ZNF723: variants seen among roughly 807,000 people sequenced by gnomAD.
ZNF723 encodes the protein zinc finger protein 723.
ZNF723 carries 5 observed loss-of-function variants against 9.4 expected under a neutral mutation model. That is an observed-to-expected ratio of 0.53 (90% confidence interval 0.28 to 1.12). The LOEUF (loss-of-function observed/expected upper bound fraction) is 1.12. Among genes scored for constraint, ZNF723 ranks in the 50% most tolerant of loss-of-function variants. ZNF723 has a pLI of 0.10. For synonymous variants in ZNF723, 158 were observed against 168.8 expected (o/e 0.94, Z 0.49); for missense variants, 450 against 501.5 (o/e 0.90, Z 0.98).
At chr19:22,837,471 G>T (rs1967181295) in intron 1 of ZNF723, among the ~76,000 whole-genome samples, 1 of 152,020 alleles carries the variant, frequency 6.6e-6, no homozygotes, top group Admixed American at 6.6e-5. Flanking sequence ...TGGTGTTGAA[G>T]AATTGTTTGG....
chr19:22,842,110 T>G (rs1039807214), intron 1 of ZNF723, among the ~76,000 whole-genome samples: 4 of 152,178 alleles, frequency 2.6e-5, no homozygotes, highest in Admixed American at 2.6e-4. Flanking sequence ...GTTCAAGCGA[T>G]TCTCCTGCCT....
chr19:22,828,312 G>T (rs1234102947), upstream of ZNF723, among the ~76,000 whole-genome samples: 8 of 152,086 alleles, frequency 5.3e-5, no homozygotes, highest in Non-Finnish European at 1.2e-4. Flanking sequence ...CTAGAGTTTT[G>T]GTCACACTCT....
the ZNF723 span, among the ~76,000 whole-genome samples, chr19:22,822,678 T>C: frequency 2.0e-5 from 3 of 151,198 alleles, no homozygotes; most frequent in East Asian, 1.9e-4. Context: ...CTGGCTAACA[T>C]GGTGAAACGC....
At chr19:22,844,857 C>T (rs1182554879) in intron 1 of ZNF723, among the ~76,000 whole-genome samples, 1 of 152,194 alleles carries the variant, frequency 6.6e-6, no homozygotes. Context: ...CGTGGTGGCT[C>T]ATGCCTGTAA....
intron 1 of ZNF723, among the ~76,000 whole-genome samples, chr19:22,835,082 T>TTTTTTTTTG (rs398034284): frequency 7.2e-6 from 1 of 138,562 alleles, no homozygotes; most frequent in Admixed American, 7.4e-5. Flanking sequence ...TTTTTTTTTT[T>TTTTTTTTTG]GAGATGGAGT....
At chr19:22,839,963 T>C (rs1387752250) in intron 1 of ZNF723, among the ~76,000 whole-genome samples, 1 of 151,816 alleles carries the variant, frequency 6.6e-6, no homozygotes, top group Non-Finnish European at 1.5e-5. Flanking sequence ...TTTAATAAGG[T>C]TGTTTGTTTT....
chr19:22,826,874 G>A, the ZNF723 span, among the ~76,000 whole-genome samples: 2 of 152,248 alleles, frequency 1.3e-5, no homozygotes, highest in Non-Finnish European at 2.9e-5. Flanking sequence ...GGTAAAAGAT[G>A]AAGGGCTAAT....
At chr19:22,849,018 G>C (rs1967354936) in intron 2 of ZNF723, among the ~76,000 whole-genome samples, 180 bp from the exon 3 acceptor site, 1 of 152,130 alleles carries the variant, frequency 6.6e-6, no homozygotes, top group African/African-American at 2.4e-5. Flanking sequence ...GCCTCCCAAA[G>C]TGCTGGGATT....
intron 3 of ZNF723, among the ~76,000 whole-genome samples, chr19:22,854,218 CTTCT>C (rs998391219): frequency 1.3e-5 from 2 of 151,926 alleles, no homozygotes; most frequent in Non-Finnish European, 2.9e-5. Flanking sequence ...TGTTAATTTC[CTTCT>C]TTGTCTCCAT....
At chr19:22,832,269 G>A, upstream of ZNF723, 1 of 1,136,320 alleles carries the variant, frequency 8.8e-7, no homozygotes. Context: ...CGGACAGGGC[G>A]GCTTCCGGGA....
At chr19:22,839,219 A>G (rs1278151612) in intron 1 of ZNF723, among the ~76,000 whole-genome samples, 1 of 152,116 alleles carries the variant, frequency 6.6e-6, no homozygotes, top group Non-Finnish European at 1.5e-5. Context: ...GGTTGATTCC[A>G]TGTCTGTGCT....
At chr19:22,833,755 C>A (rs530318248) in intron 1 of ZNF723, among the ~76,000 whole-genome samples, 1 of 151,130 alleles carries the variant, frequency 6.6e-6, no homozygotes, top group Middle Eastern at 3.2e-3. Flanking sequence ...ATTATAGGCA[C>A]GTGCCACCAC....
chr19:22,854,819 G>A (rs929836643), intron 3 of ZNF723, among the ~76,000 whole-genome samples: 2 of 152,072 alleles, frequency 1.3e-5, no homozygotes, highest in Admixed American at 6.6e-5. Context: ...AGGCTGAGGT[G>A]GACAGATCAC....
At chr19:22,825,704 T>G in the ZNF723 span, among the ~76,000 whole-genome samples, 2 of 152,130 alleles carry the variant, frequency 1.3e-5, no homozygotes, top group African/African-American at 4.8e-5. Context: ...CTGCCCACAT[T>G]AGGGATGGTG....
chr19:22,856,256 G>A (rs1967477367), intron 3 of ZNF723, among the ~76,000 whole-genome samples: 1 of 152,246 alleles, frequency 6.6e-6, no homozygotes, highest in South Asian at 2.1e-4. Flanking sequence ...ACTGTGCCTG[G>A]CCAGAATTTT....
At chr19:22,826,498 G>T in the ZNF723 span, among the ~76,000 whole-genome samples, 3 of 152,134 alleles carry the variant, frequency 2.0e-5, no homozygotes, top group African/African-American at 7.2e-5. Context: ...TTATAACAGG[G>T]CTCAGCACAG....
chr19:22,824,552 C>T, the ZNF723 span, among the ~76,000 whole-genome samples: 5 of 152,060 alleles, frequency 3.3e-5, no homozygotes, highest in Admixed American at 6.6e-5. Context: ...GTAAAGTCTT[C>T]GTCTGTTACT....
the ZNF723 span, among the ~76,000 whole-genome samples, chr19:22,826,896 G>A: frequency 1.3e-5 from 2 of 152,190 alleles, no homozygotes; most frequent in Non-Finnish European, 2.9e-5. Flanking sequence ...TGAGTGAGAA[G>A]TTTTAAAGAA....
chr19:22,851,990 T>C (rs1042828945), intron 3 of ZNF723, among the ~76,000 whole-genome samples: 1 of 152,108 alleles, frequency 6.6e-6, no homozygotes, highest in Non-Finnish European at 1.5e-5. Flanking sequence ...GGTTTCTGCA[T>C]GTTGGTCAGA....
Sources: allele counts gnomAD v4.1 joint callset (sites outside exome capture counted in the v4.1 genomes callset), GRCh38; gene constraint gnomAD v4.1.1; transcripts MANE v1.5; gene names NCBI Gene and HGNC (gene_info 2026-07-23, HGNC 2026-07-21).